Variants in MICALL1 observed in about 807,000 individuals in gnomAD.
MICALL1 encodes the protein MICAL like 1.
A neutral mutation model predicts 83.7 loss-of-function variants in MICALL1; 61 were observed. The ratio of observed to expected loss-of-function variants is 0.73; its 90% confidence interval spans 0.59 to 0.90. The LOEUF is 0.90. Among genes scored for constraint, MICALL1 ranks in the 40% least tolerant of loss-of-function variants. The pLI is 0.00. For synonymous variants in MICALL1, 481 were observed against 473.6 expected (o/e 1.02, Z -0.20); for missense variants, 1,066 against 1,152.0 (o/e 0.93, Z 1.08).
intron 9 of MICALL1, among the ~76,000 whole-genome samples, chr22:37,931,378 C>CA (rs372697931): frequency 0.046 from 6,419 of 138,362 alleles, 424 homozygotes; most frequent in African/African-American, 0.15. Flanking sequence ...CCTGTCTTTA[C>CA]AAAAAAAAAA....
chr22:37,919,024 C>G lies in MICALL1; in HGVS notation c.427-12C>G, dbSNP rs752148530. 6.5e-7 allele frequency: 1 copy of G among 1,540,060 alleles called. No individual in the cohort carries two copies. Among genetic ancestry groups the G allele is most frequent in the Non-Finnish European group, 8.8e-7 (1 of 1,139,038 alleles). ...GTCCTGCTCCCAACCTCCCCCACCTCGTTCTCTGCAGGGCGAGGAGCTCTC... is the reference window on the plus strand; with the variant it reads ...GTCCTGCTCCCAACCTCCCCCACCTGGTTCTCTGCAGGGCGAGGAGCTCTC... On this transcript the variant is annotated splice_polypyrimidine_tract_variant and intron_variant, in intron 4 of 15. Coordinates refer to ENST00000215957, the MANE Select transcript of MICALL1 (RefSeq NM_033386.4).
At position 37,919,018 on chromosome 22, in the gene MICALL1, C is replaced by G. The variant is rs1351127004; in HGVS notation, c.427-18C>G. 6.5e-7 allele frequency: 1 copy of G among 1,534,544 alleles called. No individual in the cohort carries two copies. The highest frequency in any genetic ancestry group is 8.8e-7 in the Non-Finnish European group (1 of 1,135,142). ...GACCATGTCCTGCTCCCAACCTCCCCCACCTCGTTCTCTGCAGGGCGAGGA... is the reference window on the plus strand; with the variant it reads ...GACCATGTCCTGCTCCCAACCTCCCGCACCTCGTTCTCTGCAGGGCGAGGA... On this transcript the variant is annotated intron_variant, in intron 4 of 15. Transcript: ENST00000215957.
intron 1 of MICALL1, among the ~76,000 whole-genome samples, chr22:37,911,552 C>T (rs1487271799): frequency 6.6e-6 from 1 of 152,198 alleles, no homozygotes; most frequent in Non-Finnish European, 1.5e-5. Context: ...GACAGAGGAG[C>T]CCAGCACTGC....
chr22:37,938,061 G>A (rs1027691519), intron 15 of MICALL1, among the ~76,000 whole-genome samples: 2 of 152,162 alleles, frequency 1.3e-5, no homozygotes, highest in African/African-American at 2.4e-5. Flanking sequence ...CATCTTCCCA[G>A]GGTGGATTTG....
rs35043598 is a variant in MICALL1, at chr22:37,931,887, T to C, written c.1970T>C (p.Val657Ala). 1.3e-5 allele frequency: 21 copies of C among 1,614,118 alleles called. No homozygotes were observed. The African/African-American group carries it at 2.0e-4, about 15-fold the overall frequency. Residue 657 changes from valine to alanine, a missense_variant, in exon 10 of 16, where the codon GTG becomes GCG. Physicochemically the swap from Val to Ala is moderately conservative, Grantham distance 64. Coordinates refer to ENST00000215957, the MANE Select transcript of MICALL1 (RefSeq NM_033386.4). ...TKKATKGSKP[V>A]RPPAPGHGFP... The stretch of plus-strand genomic sequence containing the variant: ...AAGGCCACCAAGGGATCCAAGCCAG[T>C]GAGGCCACCTGCCCCTGGACACGGC...
chr22:37,921,920 T>G, intron 5 of MICALL1, 52 bp from the exon 6 acceptor site: 1 of 1,496,950 alleles, frequency 6.7e-7, no homozygotes, highest in Non-Finnish European at 8.9e-7. Context: ...GGGTAGCCAG[T>G]GCCTGGGCCC....
chr22:37,916,025 C>T (rs769073052), intron 3 of MICALL1, among the ~76,000 whole-genome samples: 47 of 152,186 alleles, frequency 3.1e-4, no homozygotes, highest in Non-Finnish European at 1.6e-4. Flanking sequence ...TCAGCCTTAG[C>T]CTGCGGCCTT....
chr22:37,923,544 A>G (rs1929229469), intron 6 of MICALL1, among the ~76,000 whole-genome samples: 1 of 152,132 alleles, frequency 6.6e-6, no homozygotes, highest in South Asian at 2.1e-4. Context: ...GAGGATATTA[A>G]TTCCTGCCCC....
intron 15 of MICALL1, among the ~76,000 whole-genome samples, chr22:37,938,014 C>T (rs569930852): frequency 2.6e-4 from 39 of 152,094 alleles, no homozygotes; most frequent in Non-Finnish European, 4.9e-4. Flanking sequence ...CGTGGGATGC[C>T]CTGATGCCTA....
In MICALL1 at chr22:37,932,456, C is replaced by T. The variant is rs1176472305; in HGVS notation, c.2017-97C>T. 1.3e-5 allele frequency: 20 copies of T among 1,549,546 alleles called. No individual in the cohort carries two copies. In the South Asian group the frequency reaches 1.8e-4, roughly 14 times the overall value. ...GCTGGGGTGGGGGACAGGGCCCGGG[C>T]CCTGGAGCCACCAGTGGCCAATGCT... On this transcript the variant is annotated intron_variant, in intron 10 of 15. Coordinates refer to ENST00000215957, the MANE Select transcript of MICALL1 (RefSeq NM_033386.4). This position sits in a 1 kb window ranked among gnomAD's most constrained non-coding sequence, Gnocchi z 4.4.
chr22:37,939,744 A>G (rs923350344), intron 15 of MICALL1, among the ~76,000 whole-genome samples: 1 of 132,796 alleles, frequency 7.5e-6, no homozygotes, highest in Non-Finnish European at 1.6e-5. Context: ...ACTGCATTCC[A>G]GCCTGGGCGA....
At chr22:37,940,634 T>C in intron 15 of MICALL1, 75 bp from the exon 16 acceptor site, 1 of 1,568,302 alleles carries the variant, frequency 6.4e-7, no homozygotes, top group African/African-American at 1.4e-5. Flanking sequence ...CCCAGGCCTG[T>C]GTCACTGGGT....
Position 37,924,837 on chromosome 22 carries a change from G to A in MICALL1, c.1082+120G>A. Reference sequence around the variant, plus strand: ...GATGGGCAGGGCGGGGCTCAGGAGGGGAAGGAGAGCTGGGCCCACACCCCT... The same window carrying A: ...GATGGGCAGGGCGGGGCTCAGGAGGAGAAGGAGAGCTGGGCCCACACCCCT... On this transcript the variant is annotated intron_variant, in intron 7 of 15. Coordinates refer to ENST00000215957, the MANE Select transcript of MICALL1 (RefSeq NM_033386.4). The surrounding 1 kb of genome is among the most constrained non-coding windows in gnomAD (Gnocchi z 5.2). 1.0e-6 allele frequency: 1 copy of A among 978,714 alleles called. No individual in the cohort carries two copies. The highest frequency in any genetic ancestry group is 1.5e-6 in the Non-Finnish European group (1 of 661,470). 60.6% of individuals were successfully genotyped at this position (978,714 alleles called of 1,614,324 possible).
chr22:37,915,769 C>T (rs1928638779), intron 3 of MICALL1, among the ~76,000 whole-genome samples: 1 of 151,720 alleles, frequency 6.6e-6, no homozygotes, highest in Non-Finnish European at 1.5e-5. Flanking sequence ...CCTCAGTCTC[C>T]CAAGTAGCTG....
rs1174562239 is a variant in MICALL1, at chr22:37,925,051, A to T, written c.1082+334A>T. Among the ~76,000 whole-genome samples the T allele has an allele frequency of 2.0e-5, 3 of 152,134 alleles. No individual in the cohort carries two copies. The East Asian group carries it at 5.8e-4, about 29-fold the overall frequency. ...TTGATTTGAGGCTTAGCAGCAGAGT[A>T]TAGAAAGACCTGGAAAAGCTCAGCT... On this transcript the variant is annotated intron_variant, in intron 7 of 15. Transcript: ENST00000215957.
intron 9 of MICALL1, among the ~76,000 whole-genome samples, chr22:37,928,476 A>G (rs949754893): frequency 2.0e-5 from 3 of 152,162 alleles, no homozygotes; most frequent in Non-Finnish European, 2.9e-5. Context: ...AAAGTGCTGC[A>G]ATTACAGGCG....
At chr22:37,923,840 A>G (rs943766759) in intron 6 of MICALL1, among the ~76,000 whole-genome samples, 82 of 152,110 alleles carry the variant, frequency 5.4e-4, no homozygotes, top group African/African-American at 1.8e-3. Flanking sequence ...ATGCTTGTCT[A>G]TGTCTAGAAG....
rs1218131508 is a variant in MICALL1, at chr22:37,912,074, A to C, written c.195+74A>C. The C allele has an allele frequency of 3.2e-6, 5 of 1,555,646 alleles. No individual in the cohort carries two copies. The East Asian group carries it at 9.0e-5, about 28-fold the overall frequency. On this transcript the variant is annotated intron_variant, in intron 2 of 15. Coordinates refer to ENST00000215957, the MANE Select transcript of MICALL1 (RefSeq NM_033386.4). ...GTGTGTGTGTGTGTGTTTGGTGGGG[A>C]GGGCAGGGGTCTTGCACGGTGGCTG...
Position 37,906,576 on chromosome 22 carries a change from C to T in MICALL1, c.146+8C>T, listed in dbSNP as rs1421042746. The T allele has an allele frequency of 8.8e-6, 10 of 1,138,536 alleles. No homozygotes were observed. The highest frequency in any genetic ancestry group is 8.3e-5 in the African/African-American group (5 of 60,410). The allele number at this position is 1,138,536 out of a possible 1,614,324, so 70.5% of individuals were successfully genotyped here. On this transcript the variant is annotated splice_region_variant and intron_variant, in intron 1 of 15. Transcript: ENST00000215957. The surrounding 1 kb of genome is among the most constrained non-coding windows in gnomAD (Gnocchi z 4.4). ...GCACCGGCCCGACCTGCTGTGAGTG[C>T]GGGGCCCCGGGCGAGCGGGCGGCGC...
Sources: gnomAD v4.1 joint callset for allele counts (sites outside exome capture counted in the v4.1 genomes callset) on GRCh38, gnomAD v4.1.1 for gene constraint, Gnocchi (gnomAD v3.1) non-coding constraint, MANE v1.5 for transcripts, NCBI Gene and HGNC (gene_info 2026-07-23, HGNC 2026-07-21) for gene names.